Variants in IL13RA1 observed in about 807,000 individuals in gnomAD.
IL13RA1 encodes the protein interleukin-13 receptor subunit alpha-1.
In IL13RA1, 14 loss-of-function variants were observed where a neutral mutation model predicts 33.8. That is an observed-to-expected ratio of 0.41 (90% CI 0.27 to 0.65). The LOEUF is 0.65. IL13RA1 is among the 30% of genes least tolerant of loss of function. IL13RA1 has a pLI of 0.28. For synonymous variants in IL13RA1, 116 were observed against 115.7 expected (o/e 1.00, Z -0.02); for missense variants, 313 against 327.0 (o/e 0.96, Z 0.33).
chrX:118,761,415 C>A, intron 6 of IL13RA1, 126 bp downstream of exon 6: 1 of 373,313 alleles, frequency 2.7e-6, no homozygotes, highest in South Asian at 8.1e-5. Context: ...AATGAAACTT[C>A]TTGTCTAAAA....
chrX:118,752,953 G>A (rs1364046539), intron 4 of IL13RA1, among the ~76,000 whole-genome samples: 1 of 112,083 alleles, frequency 8.9e-6, no homozygotes, highest in Non-Finnish European at 1.9e-5. Flanking sequence ...TGTTACACAG[G>A]CTTTTAAGAT....
intron 8 of IL13RA1, among the ~76,000 whole-genome samples, chrX:118,772,986 A>G (rs779486874): frequency 1.2e-3 from 136 of 112,287 alleles, no homozygotes; most frequent in Non-Finnish European, 2.2e-3. Context: ...ACTCCTGAAC[A>G]CTACACAATT....
chrX:118,782,770 T>C (rs200118223), intron 10 of IL13RA1, among the ~76,000 whole-genome samples: 2 of 79,654 alleles, frequency 2.5e-5, no homozygotes, highest in Non-Finnish European at 5.2e-5. Flanking sequence ...GCTAATAATT[T>C]TTTTTTTTTT....
chrX:118,739,312 C>T (rs935203789), intron 1 of IL13RA1, among the ~76,000 whole-genome samples: 2 of 111,826 alleles, frequency 1.8e-5, no homozygotes, highest in Non-Finnish European at 3.8e-5. Flanking sequence ...AGAGAAACCT[C>T]AACTACAGAG....
chrX:118,767,090 A>G, intron 8 of IL13RA1, 114 bp downstream of exon 8: 1 of 388,723 alleles, frequency 2.6e-6, no homozygotes, highest in Non-Finnish European at 4.3e-6. Context: ...TCAGGAAAAG[A>G]GTACTTACAA....
At chrX:118,785,969 A>G (rs1337197955) in intron 10 of IL13RA1, among the ~76,000 whole-genome samples, 2 of 111,419 alleles carry the variant, frequency 1.8e-5, no homozygotes, top group Non-Finnish European at 3.8e-5. Context: ...CTTTTTTTAT[A>G]TCATGTAACT....
chrX:118,803,072 C>T, the IL13RA1 span, among the ~76,000 whole-genome samples: 1 of 112,456 alleles, frequency 8.9e-6, no homozygotes, highest in Non-Finnish European at 1.9e-5. Flanking sequence ...TTCCTCTTTT[C>T]AGACTTGTCC....
intron 8 of IL13RA1, 82 bp downstream of exon 8, chrX:118,767,058 G>T: frequency 2.0e-6 from 1 of 498,314 alleles, no homozygotes. Context: ...CTGGGGAAAG[G>T]GACTGTCATG....
intron 1 of IL13RA1, among the ~76,000 whole-genome samples, chrX:118,736,145 T>C (rs952041003): frequency 8.9e-6 from 1 of 111,828 alleles, no homozygotes; most frequent in African/African-American, 3.2e-5. Flanking sequence ...TATCTCTTTA[T>C]TGGTATTTTC....
At chrX:118,747,367 A>C (rs1011791156) in intron 3 of IL13RA1, among the ~76,000 whole-genome samples, 3 of 108,987 alleles carry the variant, frequency 2.8e-5, no homozygotes, top group African/African-American at 1.0e-4. Context: ...GCACACACAC[A>C]CTCACACACA....
At chrX:118,789,248 C>G (rs755941735) in intron 10 of IL13RA1, among the ~76,000 whole-genome samples, 1 of 112,058 alleles carries the variant, frequency 8.9e-6, no homozygotes, top group African/African-American at 3.2e-5. Flanking sequence ...AGGTGAAACA[C>G]CCAGGTTACA....
intron 8 of IL13RA1, among the ~76,000 whole-genome samples, chrX:118,768,224 A>T (rs1312009239): frequency 8.9e-6 from 1 of 112,239 alleles, no homozygotes; most frequent in Non-Finnish European, 1.9e-5. Context: ...TCAACAAGTT[A>T]TGTGCCAGGC....
At position 118,781,301 on chromosome X, in the gene IL13RA1, T is replaced by C. The variant is rs1444335883; in HGVS notation, c.1191+4790T>C. Among the ~76,000 whole-genome samples the C allele has an allele frequency of 3.6e-5, 4 of 111,903 alleles. No homozygotes were observed. In the Admixed American group the frequency reaches 3.8e-4, roughly 11 times the overall value. On this transcript the variant is annotated intron_variant, in intron 10 of 10. Transcript: ENST00000371666. ...TGTTCAGAAAGGAGCTTTTTAAACATGGGGATAACATCCAAATACTGCTGA... is the reference window on the plus strand; with the variant it reads ...TGTTCAGAAAGGAGCTTTTTAAACACGGGGATAACATCCAAATACTGCTGA...
chrX:118,801,884 C>A, the IL13RA1 span, among the ~76,000 whole-genome samples: 2 of 112,471 alleles, frequency 1.8e-5, no homozygotes, highest in African/African-American at 6.5e-5. Context: ...GAAAAAAATT[C>A]TATGGTATAA....
At chrX:118,770,632 C>T (rs184895406) in intron 8 of IL13RA1, 3 of 423,997 alleles carry the variant, frequency 7.1e-6, no homozygotes, top group Non-Finnish European at 8.7e-6. Flanking sequence ...TGGGCTGCCG[C>T]GGTGTGTCTA....
chrX:118,741,287 G>A, intron 2 of IL13RA1, 131 bp downstream of exon 2: 1 of 467,564 alleles, frequency 2.1e-6, no homozygotes, highest in South Asian at 4.0e-5. Flanking sequence ...ATTTCAGTTG[G>A]GGAAATTATA....
intron 7 of IL13RA1, 100 bp downstream of exon 7, chrX:118,766,677 TG>T (rs934007186): frequency 3.3e-6 from 2 of 606,525 alleles, no homozygotes; most frequent in Non-Finnish European, 5.4e-6. Flanking sequence ...CAAATTACGT[TG>T]TTCCGTGAGT....
At chrX:118,770,673 G>A in intron 8 of IL13RA1, 1 of 387,044 alleles carries the variant, frequency 2.6e-6, no homozygotes, top group East Asian at 6.9e-5. Context: ...ACTACCTGGT[G>A]CGTGCATTTG....
chrX:118,798,880 C>T (rs758980584), downstream of IL13RA1, among the ~76,000 whole-genome samples: 329 of 112,653 alleles, frequency 2.9e-3, 3 homozygotes, highest in African/African-American at 9.8e-3. Context: ...TTCGGCCCGC[C>T]GCTGCACTGT....
Sources: gnomAD v4.1 joint callset for allele counts (sites outside exome capture counted in the v4.1 genomes callset) on GRCh38, gnomAD v4.1.1 for gene constraint, MANE v1.5 for transcripts, NCBI Gene and HGNC (gene_info 2026-07-23, HGNC 2026-07-21) for gene names.